GPRC6A: variants seen among roughly 807,000 people sequenced by gnomAD.
GPRC6A encodes the protein G protein-coupled receptor class C group 6 member A.
GPRC6A carries 54 observed loss-of-function variants against 47.0 expected under a neutral mutation model. The observed-to-expected ratio is 1.15, with a 90% confidence interval of 0.92 to 1.44. GPRC6A has a LOEUF of 1.44. Ranked by LOEUF, GPRC6A falls within the 40% of genes most tolerant of loss-of-function variation. The pLI is 0.00. For synonymous variants in GPRC6A, 347 were observed against 377.1 expected (o/e 0.92, Z 0.93); for missense variants, 1,112 against 1,105.5 (o/e 1.01, Z -0.08).
intron 4 of GPRC6A, 110 bp from the exon 5 acceptor site, chr6:116,795,945 CT>C: frequency 1.5e-6 from 1 of 660,942 alleles, no homozygotes; most frequent in Non-Finnish European, 2.4e-6. Context: ...CTATTTTGGT[CT>C]TTTTTCATAG....
chr6:116,817,357 A>G (rs1773259308), intron 1 of GPRC6A, among the ~76,000 whole-genome samples: 1 of 151,850 alleles, frequency 6.6e-6, no homozygotes. Context: ...TAACAAACAG[A>G]AAGGACATCC....
chr6:116,792,426 T>G lies in GPRC6A; in HGVS notation c.2497A>C (p.Lys833Gln), dbSNP rs759067820. Residue 833 changes from lysine (K) to glutamine (Q), a missense_variant, in exon 6 of 6, where the codon AAA becomes CAA. Physicochemically the swap from Lys to Gln is moderately conservative, Grantham distance 53. Transcript: ENST00000310357. ...TGCTTACAAATAATAACATAGCATT[T>G]GGGGATGAATGTGCAATACAGGATT... ...YGILYCTFIP[K>Q]CYVIICKQEI... 11 of 1,613,906 alleles carry G rather than the reference T, an allele frequency of 6.8e-6. No homozygotes were observed. The Middle Eastern group carries it at 4.9e-4, about 72-fold the overall frequency.
rs781347117 is a variant in GPRC6A at position 116,828,902 on chromosome 6, T to C, written c.112A>G (p.Ile38Val). Residue 38 changes from isoleucine (I) to valine (V), a missense_variant, in exon 1 of 6, where the codon ATT (isoleucine) becomes GTT (valine). Physicochemically the swap from Ile to Val is conservative, Grantham distance 29. Transcript: ENST00000310357. ...VAATSPGHIIIGGLFAIHEKM... is the reference protein window; with the variant it reads ...VAATSPGHIIVGGLFAIHEKM... Reference sequence around the variant, plus strand: ...TCATGAATAGCAAACAAACCTCCAATTATGATATGTCCCGGAGAAGTGGCA... The same window carrying C: ...TCATGAATAGCAAACAAACCTCCAACTATGATATGTCCCGGAGAAGTGGCA... The C allele has an allele frequency of 7.4e-6, 12 of 1,613,362 alleles. No individual in the cohort carries two copies. Among genetic ancestry groups the C allele is most frequent in the Non-Finnish European group, 1.0e-5 (12 of 1,179,568 alleles).
chr6:116,829,022 C>G lies in GPRC6A; in HGVS notation c.-9G>C. The G allele has an allele frequency of 6.2e-7, 1 of 1,606,310 alleles. No homozygotes were observed. The highest frequency in any genetic ancestry group is 8.5e-7 in the Non-Finnish European group (1 of 1,175,892). On this transcript the variant is annotated 5_prime_UTR_variant, in exon 1 of 6. Transcript: ENST00000310357. The stretch of plus-strand genomic sequence containing the variant: ...ATAATTAAGAATGCCATGTTTCTAT[C>G]TCATTTGCTCAGTTCATGTGAGTTC...
chr6:116,819,387 C>A (rs1363392073), intron 1 of GPRC6A, among the ~76,000 whole-genome samples: 15 of 151,202 alleles, frequency 9.9e-5, no homozygotes, highest in East Asian at 1.9e-4. Flanking sequence ...CTCTCCACCC[C>A]AAATCAACAG....
chr6:116,807,233 A>T (rs746478322), intron 2 of GPRC6A, 27 bp from the exon 3 acceptor site: 6 of 1,380,920 alleles, frequency 4.3e-6, no homozygotes, highest in African/African-American at 1.4e-5. Flanking sequence ...TATTTTAGTT[A>T]TGGTGTTGAT....
At chr6:116,824,906 A>C (rs908286640) in intron 1 of GPRC6A, among the ~76,000 whole-genome samples, 1 of 151,970 alleles carries the variant, frequency 6.6e-6, no homozygotes, top group Non-Finnish European at 1.5e-5. Context: ...ATTAAGTGTA[A>C]TATCAACCAT....
intron 3 of GPRC6A, among the ~76,000 whole-genome samples, chr6:116,801,726 C>T (rs549489931): frequency 3.3e-5 from 5 of 152,026 alleles, no homozygotes; most frequent in Admixed American, 6.6e-5. Context: ...ATGGTAACAT[C>T]AATGAGAAAT....
Position 116,800,807 on chromosome 6 carries a change from TA to T in GPRC6A, c.1336-12del. 1 of 1,535,076 alleles carries T rather than the reference TA, an allele frequency of 6.5e-7. No homozygotes were observed. On this transcript the variant is annotated splice_polypyrimidine_tract_variant and intron_variant, in intron 3 of 5. Coordinates refer to ENST00000310357, the MANE Select transcript of GPRC6A (RefSeq NM_148963.4). ...TAGCACACCAAGTAACTATAAAAAA[TA>T]AAAACAGAGATAAGCACTTAATATA...
At chr6:116,818,557 A>C (rs1175095554) in intron 1 of GPRC6A, among the ~76,000 whole-genome samples, 1 of 132,722 alleles carries the variant, frequency 7.5e-6, no homozygotes, top group Non-Finnish European at 1.6e-5. Flanking sequence ...AAAAAAAAAA[A>C]AAAAAAAAAA....
intron 1 of GPRC6A, among the ~76,000 whole-genome samples, chr6:116,815,245 G>A (rs1773168819): frequency 6.6e-6 from 1 of 152,180 alleles, no homozygotes; most frequent in African/African-American, 2.4e-5. Flanking sequence ...CACTTTGGGA[G>A]GCTGAGGCAG....
At chr6:116,800,320 CT>C (rs1183495525) in intron 4 of GPRC6A, among the ~76,000 whole-genome samples, 2 of 116,576 alleles carry the variant, frequency 1.7e-5, no homozygotes, top group Non-Finnish European at 3.3e-5. Context: ...TTCTTTCTTT[CT>C]TTTTTCCTTC....
intron 3 of GPRC6A, among the ~76,000 whole-genome samples, chr6:116,801,280 A>C (rs1772666139): frequency 6.6e-6 from 1 of 152,212 alleles, no homozygotes; most frequent in Non-Finnish European, 1.5e-5. Flanking sequence ...CTTGAGAAGA[A>C]AGAAATATAA....
At chr6:116,819,153 G>C (rs1255610591) in intron 1 of GPRC6A, among the ~76,000 whole-genome samples, 1 of 152,034 alleles carries the variant, frequency 6.6e-6, no homozygotes, top group East Asian at 1.9e-4. Flanking sequence ...AACAAGAAGA[G>C]CTAACTATCC....
chr6:116,797,633 C>T (rs1257988450), intron 4 of GPRC6A, among the ~76,000 whole-genome samples: 3 of 152,178 alleles, frequency 2.0e-5, no homozygotes, highest in African/African-American at 7.2e-5. Flanking sequence ...ACATAATTAC[C>T]TGTCATTCTG....
At chr6:116,825,837 T>C (rs767373456) in intron 1 of GPRC6A, among the ~76,000 whole-genome samples, 37 of 151,902 alleles carry the variant, frequency 2.4e-4, no homozygotes, top group Non-Finnish European at 4.6e-4. Context: ...AACAGCATGG[T>C]ATAAAAATAG....
chr6:116,827,641 A>G (rs1264470217), intron 1 of GPRC6A, among the ~76,000 whole-genome samples: 3 of 152,082 alleles, frequency 2.0e-5, no homozygotes, highest in Non-Finnish European at 2.9e-5. Context: ...ATAACTATTT[A>G]GTGTTTTCCA....
intron 1 of GPRC6A, among the ~76,000 whole-genome samples, chr6:116,827,597 T>C (rs1773715261): frequency 6.6e-6 from 1 of 151,990 alleles, no homozygotes; most frequent in Non-Finnish European, 1.5e-5. Flanking sequence ...AACGGAGTGA[T>C]TTTTTAAAAT....
chr6:116,792,559 C>G lies in GPRC6A; in HGVS notation c.2364G>C (p.Met788Ile). 6.2e-7 allele frequency: 1 copy of G among 1,612,290 alleles called. No homozygotes were observed. ...TGATCCAAGCTATGAAGTAAATGAG[C>G]ATGCCAAATGTAATGAATTTGGCTT... ...YNEAKFITFG[M>I]LIYFIAWITF... The change falls in exon 6 of 6, where the codon ATG becomes ATC. Residue 788 changes from methionine to isoleucine, a missense_variant. Met to Ile is a conservative substitution (Grantham distance 10). Coordinates refer to ENST00000310357, the MANE Select transcript of GPRC6A (RefSeq NM_148963.4).
Sources: gnomAD v4.1 joint callset for allele counts (sites outside exome capture counted in the v4.1 genomes callset) on GRCh38, gnomAD v4.1.1 for gene constraint, MANE v1.5 for transcripts, NCBI Gene and HGNC (gene_info 2026-07-23, HGNC 2026-07-21) for gene names.